The following TOGARAM1 variants were observed in gnomAD, a reference collection of about 807,000 sequenced individuals.
The protein encoded by TOGARAM1 is TOG array regulator of axonemal microtubules protein 1.
Under a neutral mutation model 166.6 loss-of-function variants are expected in TOGARAM1, and 100 were observed. The ratio of observed to expected loss-of-function variants is 0.60; its 90% CI spans 0.51 to 0.71. The LOEUF (loss-of-function observed/expected upper bound fraction) is 0.71, where lower values mean the gene tolerates loss of function less well. Among genes scored for constraint, TOGARAM1 ranks in the 30% least tolerant of loss-of-function variants. The probability of loss-of-function intolerance (pLI) is 0.00; values close to 1 mark genes in which losing one functional copy is unlikely to be tolerated. For synonymous variants in TOGARAM1, 758 were observed against 763.8 expected (o/e 0.99, Z 0.13); for missense variants, 2,029 against 2,102.7 (o/e 0.96, Z 0.69).
At chr14:45,028,990 A>C (rs1274982777) in intron 10 of TOGARAM1, among the ~76,000 whole-genome samples, 1 of 152,238 alleles carries the variant, frequency 6.6e-6, no homozygotes, top group African/African-American at 2.4e-5. Context: ...TAAATTTAAT[A>C]GACAATATAC....
rs759196925 is a variant in TOGARAM1 at position 44,999,404 on chromosome 14, G to T, written c.2245G>T (p.Ala749Ser). 25 of 1,610,280 alleles carry T rather than the reference G, an allele frequency of 1.6e-5. No individual in the cohort carries two copies. The highest frequency in any genetic ancestry group is 3.3e-4 in the Middle Eastern group (2 of 6,054). The part of the protein sequence containing the change: ...THQTNLSGKC[A>S]QLGFSQICGK... ...TCAAACAAATCTTTCTGGGAAATGT[G>T]CACAACTTGGATTTTCACAAATATG... Residue 749 changes from alanine (A) to serine (S), a missense_variant, in exon 3 of 20, where the codon GCA (alanine) becomes TCA (serine). By Grantham distance (99) the Ala-to-Ser change is moderately conservative. Transcript: ENST00000361462.
At chr14:44,973,726 T>C (rs1435355319) in intron 1 of TOGARAM1, among the ~76,000 whole-genome samples, 1 of 151,606 alleles carries the variant, frequency 6.6e-6, no homozygotes, top group Non-Finnish European at 1.5e-5. Flanking sequence ...TCTGTTTGTC[T>C]GAGAATGTCT....
At chr14:44,989,332 C>G (rs1887012161) in intron 1 of TOGARAM1, among the ~76,000 whole-genome samples, 1 of 152,072 alleles carries the variant, frequency 6.6e-6, no homozygotes, top group South Asian at 2.1e-4. Context: ...CGTTCTTTAG[C>G]TTTAGAGTTC....
intron 1 of TOGARAM1, among the ~76,000 whole-genome samples, chr14:44,980,295 G>A (rs140376701): frequency 3.7e-4 from 56 of 152,278 alleles, no homozygotes; most frequent in Non-Finnish European, 6.3e-4. Context: ...AAAAAATCAT[G>A]AATATTTCAA....
intron 1 of TOGARAM1, among the ~76,000 whole-genome samples, chr14:44,977,395 C>T (rs1218408338): frequency 6.6e-6 from 1 of 151,858 alleles, no homozygotes; most frequent in Non-Finnish European, 1.5e-5. Context: ...CCACCATGCC[C>T]AGCTAATTTT....
rs1053107307 is a variant in TOGARAM1, at chr14:45,068,509, C to A, written c.4835C>A (p.Pro1612His). The A allele has an allele frequency of 8.1e-6, 13 of 1,613,290 alleles. No individual in the cohort carries two copies. The Admixed American group carries it at 1.7e-4, about 21-fold the overall frequency. Residue 1612 changes from proline to histidine, a missense_variant, in exon 18 of 20, where the codon CCT becomes CAT. This residue lies in a region of TOGARAM1 where 576 missense variants were observed against 670.5 expected (regional missense o/e 0.86). Transcript: ENST00000361462. ...CTGGAAACAATGCACAAAATGATTC[C>A]TCTACTTAGAGACCACTTATCTCCT... The part of the protein sequence containing the change: ...VALETMHKMI[P>H]LLRDHLSPII...
At position 44,963,306 on chromosome 14, in the gene TOGARAM1, C is replaced by G; in HGVS notation, c.885C>G (p.Tyr295Ter). 1.2e-6 allele frequency: 2 copies of G among 1,614,184 alleles called. No individual in the cohort carries two copies. The highest frequency in any genetic ancestry group is 1.7e-6 in the Non-Finnish European group (2 of 1,180,012). The change falls in exon 1 of 20, where the codon TAC (tyrosine) becomes TAG (stop). Residue 295 changes from tyrosine (Y) to a stop codon, truncating the protein, a stop_gained. Transcript: ENST00000361462. LOFTEE classifies it high-confidence loss of function. ...TTGGCCAAGACAGGTTTCAATCTTA[C>G]ATTTCTCGTCTGCCCTCTGCCCTGA... ...ERLGQDRFQS[Y>*]ISRLPSALRR...
chr14:45,066,296 G>C (rs1466611001), intron 16 of TOGARAM1, among the ~76,000 whole-genome samples: 9 of 152,154 alleles, frequency 5.9e-5, no homozygotes, highest in Admixed American at 5.9e-4. Context: ...TTGTGCACCT[G>C]TTCCCTCAGC....
intron 16 of TOGARAM1, among the ~76,000 whole-genome samples, chr14:45,062,710 A>C (rs908929438): frequency 6.6e-6 from 1 of 152,202 alleles, no homozygotes; most frequent in Non-Finnish European, 1.5e-5. Flanking sequence ...ATTATAAAAT[A>C]GGCTTTGTGG....
intron 7 of TOGARAM1, among the ~76,000 whole-genome samples, chr14:45,019,696 T>A (rs1880379106): frequency 2.0e-5 from 3 of 152,348 alleles, no homozygotes; most frequent in Middle Eastern, 3.4e-3. Flanking sequence ...ACTACCTGAT[T>A]GGTCGAGTGT....
intron 13 of TOGARAM1, among the ~76,000 whole-genome samples, chr14:45,045,541 GTGTATA>G (rs1183807192): frequency 0.024 from 1,226 of 50,282 alleles, 88 homozygotes; most frequent in Non-Finnish European, 0.029. Context: ...TGGTCTGTGT[GTGTATA>G]TATATATATA....
At chr14:45,036,005 C>G (rs1201313874) in intron 11 of TOGARAM1, among the ~76,000 whole-genome samples, 1 of 149,862 alleles carries the variant, frequency 6.7e-6, no homozygotes, top group East Asian at 1.9e-4. Flanking sequence ...TGATGTGTTT[C>G]TGTAGTCCCA....
intron 10 of TOGARAM1, among the ~76,000 whole-genome samples, chr14:45,029,708 C>T (rs1250577626): frequency 1.3e-5 from 2 of 152,172 alleles, no homozygotes; most frequent in Non-Finnish European, 2.9e-5. Flanking sequence ...TGATAACATA[C>T]ATACAGACAA....
chr14:44,964,568 T>C lies in TOGARAM1; in HGVS notation c.2046+101T>C. On this transcript the variant is annotated intron_variant, in intron 1 of 19. Coordinates refer to ENST00000361462, the MANE Select transcript of TOGARAM1 (RefSeq NM_001308120.2). Reference sequence around the variant, plus strand: ...CAGCCTGCTTGAGGGAAACATGTTATGCTTTGTTTTAAATTGATTTTAAAT... The same window carrying C: ...CAGCCTGCTTGAGGGAAACATGTTACGCTTTGTTTTAAATTGATTTTAAAT... 1.5e-6 allele frequency: 2 copies of C among 1,310,134 alleles called. 1 individual carries two copies. The highest frequency in any genetic ancestry group is 3.1e-5 in the South Asian group (2 of 64,670). 81.2% of individuals were successfully genotyped at this position (1,310,134 alleles called of 1,614,324 possible).
intron 3 of TOGARAM1, 62 bp downstream of exon 3, chr14:44,999,559 AC>A: frequency 7.3e-7 from 1 of 1,363,310 alleles, no homozygotes; most frequent in Non-Finnish European, 9.9e-7. Flanking sequence ...GGATTCCAAC[AC>A]TAACTTATAT....
At chr14:45,045,567 ATATATATATATATATATG>A (rs1254066748) in intron 13 of TOGARAM1, among the ~76,000 whole-genome samples, 3 of 41,506 alleles carry the variant, frequency 7.2e-5, no homozygotes, top group Non-Finnish European at 1.2e-4. Context: ...ATATATATAT[ATATATATATATATATATG>A]TGTGTGTGTG....
At chr14:45,042,838 T>A (rs1432111779) in intron 11 of TOGARAM1, among the ~76,000 whole-genome samples, 1 of 152,174 alleles carries the variant, frequency 6.6e-6, no homozygotes, top group Middle Eastern at 3.2e-3. Flanking sequence ...TGCTGACTGA[T>A]CAGGGTGGTA....
chr14:44,989,856 A>G (rs1274586053), intron 1 of TOGARAM1, among the ~76,000 whole-genome samples: 1 of 152,232 alleles, frequency 6.6e-6, no homozygotes, highest in African/African-American at 2.4e-5. Context: ...ATTGACTCAC[A>G]GTTTTGCATG....
At chr14:44,977,905 C>T (rs943925287) in intron 1 of TOGARAM1, among the ~76,000 whole-genome samples, 1 of 152,196 alleles carries the variant, frequency 6.6e-6, no homozygotes, top group Admixed American at 6.5e-5. Flanking sequence ...CCTCCACTGC[C>T]TCTGAAAGTG....
Sources: gnomAD v4.1 joint callset for allele counts (sites outside exome capture counted in the v4.1 genomes callset) on GRCh38, gnomAD v4.1.1 for gene constraint, gnomAD v4.1.1 regional missense constraint, MANE v1.5 for transcripts, NCBI Gene and HGNC (gene_info 2026-07-23, HGNC 2026-07-21) for gene names.